EIF3H: variants seen among roughly 807,000 people sequenced by gnomAD.
EIF3H encodes eIF-3-gamma.
A neutral mutation model predicts 44.2 loss-of-function variants in EIF3H; 26 were observed. That is an observed-to-expected ratio of 0.59 (90% CI 0.43 to 0.82). The LOEUF (loss-of-function observed/expected upper bound fraction) is 0.82. EIF3H is among the 40% of genes least tolerant of loss of function. The pLI is 0.00. For missense variants in EIF3H, 359 were observed against 432.8 expected (o/e 0.83, Z 1.51); for synonymous variants, 166 against 151.9 (o/e 1.09, Z -0.68).
intron 1 of EIF3H, among the ~76,000 whole-genome samples, chr8:116,743,800 ACACACACACACACAC>A (rs1815180546): frequency 4.7e-5 from 2 of 42,776 alleles, no homozygotes; most frequent in Non-Finnish European, 8.4e-5. Flanking sequence ...ATATATATAA[ACACACACACACACAC>A]ACACACACAC....
At chr8:116,682,618 G>C (rs528794348) in intron 2 of EIF3H, among the ~76,000 whole-genome samples, 25 of 152,194 alleles carry the variant, frequency 1.6e-4, no homozygotes, top group Admixed American at 5.9e-4. Flanking sequence ...CTCACAATAG[G>C]TAAAAAGTAA....
chr8:116,697,356 G>C (rs1814286788), intron 2 of EIF3H: 3 of 367,662 alleles, frequency 8.2e-6, no homozygotes, highest in Non-Finnish European at 1.6e-5. Flanking sequence ...AACTATTGCT[G>C]CTTTCACCAA....
At chr8:116,645,222 CAG>C in intron 7 of EIF3H, 119 bp from the exon 8 acceptor site, 2 of 737,928 alleles carry the variant, frequency 2.7e-6, no homozygotes, top group Non-Finnish European at 4.5e-6. Flanking sequence ...GTTTTGAATC[CAG>C]AGTTTATTTT....
At chr8:116,758,884 AAGAAG>A (rs1363811422), upstream of EIF3H, among the ~76,000 whole-genome samples, 9 of 152,218 alleles carry the variant, frequency 5.9e-5, no homozygotes, top group Admixed American at 5.9e-4. Context: ...AGTGCTGAGA[AAGAAG>A]TTTATAGCTA....
chr8:116,761,035 C>T (rs899882849), intron 1 of EIF3H, among the ~76,000 whole-genome samples: 1 of 152,196 alleles, frequency 6.6e-6, no homozygotes, highest in Non-Finnish European at 1.5e-5. Flanking sequence ...GTGAACTTCT[C>T]TATCAGTTTG....
intron 5 of EIF3H, among the ~76,000 whole-genome samples, chr8:116,654,558 C>A (rs1813456520): frequency 6.6e-6 from 1 of 152,194 alleles, no homozygotes; most frequent in South Asian, 2.1e-4. Flanking sequence ...GCTTTAAATA[C>A]AGGTGTGCCC....
intron 4 of EIF3H, 57 bp downstream of exon 4, chr8:116,657,158 A>G: frequency 6.9e-7 from 1 of 1,453,588 alleles, no homozygotes; most frequent in Middle Eastern, 1.7e-4. Flanking sequence ...GATGTGGCAA[A>G]GAAAAATCTT....
chr8:116,762,352 A>C (rs574804625), intron 1 of EIF3H, among the ~76,000 whole-genome samples: 4 of 152,330 alleles, frequency 2.6e-5, no homozygotes, highest in African/African-American at 7.2e-5. Context: ...TTGGAAAGAC[A>C]CTTTCACAGT....
intron 2 of EIF3H, among the ~76,000 whole-genome samples, chr8:116,660,433 A>T (rs528974711): frequency 2.0e-5 from 3 of 152,326 alleles, no homozygotes; most frequent in Admixed American, 6.5e-5. Context: ...TAGGAGAAGA[A>T]GTTATAAATC....
At chr8:116,758,404 A>C (rs1340596362), upstream of EIF3H, among the ~76,000 whole-genome samples, 3 of 152,344 alleles carry the variant, frequency 2.0e-5, no homozygotes, top group East Asian at 5.8e-4. Context: ...CAAATCCATA[A>C]TTATAGTTGG....
At chr8:116,720,940 G>A (rs577778349) in intron 2 of EIF3H, among the ~76,000 whole-genome samples, 51 of 151,996 alleles carry the variant, frequency 3.4e-4, no homozygotes, top group Non-Finnish European at 6.5e-4. Context: ...ATAAAAGTTT[G>A]GAAAATTTGC....
At chr8:116,680,199 G>GGGT (rs1554599276) in intron 2 of EIF3H, among the ~76,000 whole-genome samples, 1 of 12,524 alleles carries the variant, frequency 8.0e-5, no homozygotes, top group African/African-American at 1.7e-4. Flanking sequence ...CCGGGAGGGT[G>GGGT]GGGGGGGGGG....
At position 116,732,080 on chromosome 8, in the gene EIF3H, G is replaced by C. The variant is rs548797872; in HGVS notation, c.133-5908C>G. ...ATCCCAACCTGCAAGATAGTAAACA[G>C]ATGTCCTGTCTGCTGAAATTACCCT... is the stretch of plus-strand genomic sequence containing the variant. On this transcript the variant is annotated intron_variant, in intron 1 of 7. Transcript: ENST00000521861. 7.9e-5 allele frequency among the ~76,000 whole-genome samples: 12 copies of C among 152,316 alleles called. No homozygotes were observed. The South Asian group carries it at 1.7e-3, about 21-fold the overall frequency.
chr8:116,694,868 A>G (rs536784783), intron 2 of EIF3H, among the ~76,000 whole-genome samples: 89 of 152,306 alleles, frequency 5.8e-4, no homozygotes, highest in African/African-American at 2.0e-3. Flanking sequence ...GTAATCCCTT[A>G]AAGAAGGAAG....
chr8:116,682,375 T>C (rs1814004227), intron 2 of EIF3H, among the ~76,000 whole-genome samples: 1 of 152,258 alleles, frequency 6.6e-6, no homozygotes, highest in African/African-American at 2.4e-5. Flanking sequence ...TTGCTTTTGC[T>C]GCCACCATCA....
intron 2 of EIF3H, among the ~76,000 whole-genome samples, chr8:116,722,701 G>A (rs182232684): frequency 6.6e-6 from 1 of 152,216 alleles, no homozygotes; most frequent in East Asian, 1.9e-4. Flanking sequence ...GAAAACCAAA[G>A]AATTGAGGTT....
intron 5 of EIF3H, among the ~76,000 whole-genome samples, chr8:116,651,449 T>A (rs184894701): frequency 2.5e-4 from 38 of 152,314 alleles, no homozygotes; most frequent in African/African-American, 8.7e-4. Context: ...AAAATATGGA[T>A]TCTATCAGTA....
chr8:116,698,778 T>G (rs1005181780), intron 2 of EIF3H, among the ~76,000 whole-genome samples: 2 of 152,140 alleles, frequency 1.3e-5, no homozygotes, highest in African/African-American at 2.4e-5. Context: ...TTAAGATGAT[T>G]TTTTTTTCTA....
Position 116,643,915 on chromosome 8 carries a change from T to C in EIF3H, c.*1091A>G, listed in dbSNP as rs1813259498. ...AAAATCTGTGATTATCTTTAAAATA[T>C]AAAAATTACTAAAATATGTTTTTCC... On this transcript the variant is annotated 3_prime_UTR_variant, in exon 8 of 8. Transcript: ENST00000521861. The C allele has an allele frequency of 1.3e-5, 2 of 152,216 alleles. No homozygotes were observed. Among genetic ancestry groups the C allele is most frequent in the East Asian group, 1.9e-4 (1 of 5,194 alleles). The allele number at this position is 152,216 out of a possible 1,614,324, so 9.4% of individuals were successfully genotyped here.
Sources: gnomAD v4.1 joint callset for allele counts (sites outside exome capture counted in the v4.1 genomes callset) on GRCh38, gnomAD v4.1.1 for gene constraint, MANE v1.5 for transcripts, NCBI Gene and HGNC (gene_info 2026-07-23, HGNC 2026-07-21) for gene names.